Variants in ZFHX3 observed in about 807,000 individuals in gnomAD.
ZFHX3 encodes zinc finger homeobox 3.
A neutral mutation model predicts 279.1 loss-of-function variants in ZFHX3; 42 were observed. The ratio of observed to expected loss-of-function variants is 0.15; its 90% CI spans 0.12 to 0.19. The LOEUF (loss-of-function observed/expected upper bound fraction) is 0.19, where lower values mean the gene tolerates loss of function less well. Among genes scored for constraint, ZFHX3 ranks in the 10% least tolerant of loss-of-function variants. The pLI is 1.00. For synonymous variants in ZFHX3, 2,293 were observed against 1,957.8 expected (o/e 1.17, Z -4.52); for missense variants, 4,981 against 4,754.0 (o/e 1.05, Z -1.40).
chr16:73,463,777 C>T (rs1398026051), intron 2 of ZFHX3, among the ~76,000 whole-genome samples: 1 of 152,086 alleles, frequency 6.6e-6, no homozygotes, highest in Non-Finnish European at 1.5e-5. Flanking sequence ...GGTGGCTGGA[C>T]GGATATGCAG....
At chr16:72,821,252 G>C (rs2036783175) in intron 5 of ZFHX3, among the ~76,000 whole-genome samples, 1 of 152,134 alleles carries the variant, frequency 6.6e-6, no homozygotes, top group South Asian at 2.1e-4. Context: ...TATACTTAGG[G>C]AAGAAAGACA....
rs571754707 is a variant in ZFHX3 at position 73,400,767 on chromosome 16, G to A, written c.-1291+55236C>T. 15 of 152,278 alleles carry A rather than the reference G, an allele frequency of 9.9e-5. 1 individual carries two copies. In the South Asian group the frequency reaches 2.9e-3, roughly 29 times the overall value. The allele number at this position is 152,278 out of a possible 1,614,324, so 9.4% of individuals were successfully genotyped here. ...GGCTTTTCCGGGTTGGTGGCTCTTG[G>A]TCATCTTTGTTGTCCTTAAAAAAGG... On this transcript the variant is annotated intron_variant, in intron 3 of 17. Transcript: ENST00000641206.
intron 3 of ZFHX3, among the ~76,000 whole-genome samples, chr16:73,361,044 A>G (rs994417937): frequency 6.6e-6 from 1 of 152,238 alleles, no homozygotes; most frequent in Admixed American, 6.5e-5. Flanking sequence ...TGGCATTTTG[A>G]GTTTGAGGAT....
At chr16:73,534,824 A>C (rs1385088517) in intron 2 of ZFHX3, among the ~76,000 whole-genome samples, 1 of 152,224 alleles carries the variant, frequency 6.6e-6, no homozygotes, top group African/African-American at 2.4e-5. Flanking sequence ...AATAATCACC[A>C]GGATATTTTC....
At position 73,665,703 on chromosome 16, in the gene ZFHX3, TA is replaced by T. The variant is rs149296230; in HGVS notation, c.-1547+14476del. 7.5e-4 allele frequency among the ~76,000 whole-genome samples: 114 copies of T among 151,408 alleles called. 4 individuals are homozygous for T. Among genetic ancestry groups the T allele is most frequent in the African/African-American group, 2.8e-3 (113 of 41,088 alleles). On this transcript the variant is annotated intron_variant, in intron 2 of 17. Coordinates refer to the ZFHX3 transcript ENST00000641206. Reference sequence around the variant, plus strand: ...ATTTTAAAAGCAGATGAGATACAAATAAATTTTAAAACCCCACATAAATAGA... The same window carrying T: ...ATTTTAAAAGCAGATGAGATACAAATAATTTTAAAACCCCACATAAATAGA...
intron 3 of ZFHX3, among the ~76,000 whole-genome samples, chr16:72,933,813 CTTTTTT>C (rs71391468): frequency 8.9e-6 from 1 of 112,480 alleles, no homozygotes; most frequent in African/African-American, 3.0e-5. Context: ...TCACAACTTT[CTTTTTT>C]TTTTTTTTTT....
At chr16:72,855,347 G>C (rs1011120752) in intron 4 of ZFHX3, among the ~76,000 whole-genome samples, 6 of 152,234 alleles carry the variant, frequency 3.9e-5, no homozygotes, top group Non-Finnish European at 7.3e-5. Context: ...GTGTGTGTGA[G>C]AGCATGAGTG....
intron 1 of ZFHX3, among the ~76,000 whole-genome samples, chr16:73,038,220 A>C (rs1964982192): frequency 6.7e-6 from 1 of 150,056 alleles, no homozygotes; most frequent in Non-Finnish European, 1.5e-5. Context: ...CGGGATATTG[A>C]CTCCCCCACC....
intron 3 of ZFHX3, among the ~76,000 whole-genome samples, chr16:72,917,528 A>T (rs1397438839): frequency 1.3e-5 from 2 of 152,250 alleles, no homozygotes; most frequent in Non-Finnish European, 1.5e-5. Flanking sequence ...AAATTGCAGC[A>T]CCTTCATACC....
intron 1 of ZFHX3, among the ~76,000 whole-genome samples, chr16:73,850,678 C>A (rs927696344): frequency 6.6e-6 from 1 of 151,408 alleles, no homozygotes; most frequent in African/African-American, 2.4e-5. Flanking sequence ...GTGGACCCCA[C>A]CCCAACCCAC....
chr16:73,619,043 G>A (rs1486665210), intron 2 of ZFHX3, among the ~76,000 whole-genome samples: 1 of 152,028 alleles, frequency 6.6e-6, no homozygotes, highest in Non-Finnish European at 1.5e-5. Flanking sequence ...ACATTGATTA[G>A]CTCTCATATC....
At chr16:73,019,471 C>T (rs1401558258) in intron 1 of ZFHX3, among the ~76,000 whole-genome samples, 1 of 152,144 alleles carries the variant, frequency 6.6e-6, no homozygotes, top group East Asian at 1.9e-4. Flanking sequence ...CATACACTTC[C>T]TTACCAAGGT....
chr16:73,332,613 T>C (rs2015827324), intron 3 of ZFHX3, among the ~76,000 whole-genome samples: 1 of 152,224 alleles, frequency 6.6e-6, no homozygotes, highest in Non-Finnish European at 1.5e-5. Context: ...ACTAAATCCT[T>C]TGCTGGCATG....
rs1428605784 is a variant in ZFHX3, at chr16:73,743,009, A to T, written c.-1607-62769T>A. Among the ~76,000 whole-genome samples the T allele has an allele frequency of 2.0e-5, 3 of 152,234 alleles. No individual in the cohort carries two copies. In the East Asian group the frequency reaches 5.8e-4, roughly 29 times the overall value. On this transcript the variant is annotated intron_variant, in intron 1 of 17. Coordinates refer to the ZFHX3 transcript ENST00000641206. Reference sequence around the variant, plus strand: ...GGAAATGAGAGTCCTTTATAATTTCATCCTTCAGAGATAACCAGAGGTTAT... The same window carrying T: ...GGAAATGAGAGTCCTTTATAATTTCTTCCTTCAGAGATAACCAGAGGTTAT...
chr16:72,891,068 A>AACC (rs1490755272), intron 3 of ZFHX3, among the ~76,000 whole-genome samples: 1 of 152,216 alleles, frequency 6.6e-6, no homozygotes, highest in Non-Finnish European at 1.5e-5. Context: ...TTGTATTTAA[A>AACC]ACCACAGTCT....
intron 2 of ZFHX3, among the ~76,000 whole-genome samples, chr16:73,590,544 A>G (rs1001755187): frequency 6.6e-6 from 1 of 152,242 alleles, no homozygotes; most frequent in Non-Finnish European, 1.5e-5. Flanking sequence ...CAATATATTT[A>G]AATCCAAGAG....
At chr16:73,033,017 A>G (rs1432337404) in intron 1 of ZFHX3, among the ~76,000 whole-genome samples, 1 of 152,168 alleles carries the variant, frequency 6.6e-6, no homozygotes, top group African/African-American at 2.4e-5. Context: ...AGGTAGATGC[A>G]TGGAAAACAG....
chr16:73,786,468 G>C lies in ZFHX3; in HGVS notation c.-1608+105183C>G, dbSNP rs1178200566. On this transcript the variant is annotated intron_variant, in intron 1 of 17. Coordinates refer to the ZFHX3 transcript ENST00000641206. ...TCTGTGTTCAGGAAGGGACCTGGTTGTTTCTTCGGGATCTCAGCTGACAGT... is the reference window on the plus strand; with the variant it reads ...TCTGTGTTCAGGAAGGGACCTGGTTCTTTCTTCGGGATCTCAGCTGACAGT... Among the ~76,000 whole-genome samples the C allele has an allele frequency of 2.0e-5, 3 of 152,142 alleles. No homozygotes were observed. The East Asian group carries it at 5.8e-4, about 29-fold the overall frequency.
At chr16:73,429,560 T>C (rs1045297104) in intron 3 of ZFHX3, among the ~76,000 whole-genome samples, 2 of 152,172 alleles carry the variant, frequency 1.3e-5, no homozygotes, top group African/African-American at 4.8e-5. Context: ...CTTGAACTCC[T>C]GGCCTCAAGT....
Sources: allele counts gnomAD v4.1 joint callset (sites outside exome capture counted in the v4.1 genomes callset), GRCh38; gene constraint gnomAD v4.1.1; transcripts MANE v1.5; gene names NCBI Gene and HGNC (gene_info 2026-07-23, HGNC 2026-07-21).